The following ZNF609 variants were observed in gnomAD, a reference collection of about 807,000 sequenced individuals.
ZNF609 encodes the protein zinc finger protein 609.
In ZNF609, 11 loss-of-function variants were observed where a neutral mutation model predicts 109.5. The ratio of observed to expected loss-of-function variants is 0.10; its 90% confidence interval spans 0.06 to 0.17. ZNF609 has a LOEUF of 0.17. Ranked by LOEUF, ZNF609 falls within the 10% of genes least tolerant of loss-of-function variation. ZNF609 has a pLI of 1.00. For missense variants in ZNF609, 1,559 were observed against 1,772.4 expected (o/e 0.88, Z 2.16); for synonymous variants, 646 against 662.0 (o/e 0.98, Z 0.37).
In ZNF609 at chr15:64,674,976, C is replaced by T. The variant is rs775990155; in HGVS notation, c.2122C>T (p.Pro708Ser). The change falls in exon 5 of 10, where the codon CCC (proline) becomes TCC (serine). Residue 708 changes from proline (P) to serine (S), a missense_variant. Transcript: ENST00000326648. ...SPQLKPIQPK[P>S]TVMGEPFTVN... is the part of the protein sequence containing the mutation. ...CCAACTCAAGCCCATTCAGCCCAAG[C>T]CCACTGTTATGGGAGAACCTTTCAC... 1.2e-6 allele frequency: 2 copies of T among 1,613,940 alleles called. No individual in the cohort carries two copies. The highest frequency in any genetic ancestry group is 1.1e-5 in the South Asian group (1 of 91,082).
intron 1 of ZNF609, among the ~76,000 whole-genome samples, chr15:64,466,989 C>T (rs1893024408): frequency 6.6e-6 from 1 of 152,176 alleles, no homozygotes; most frequent in African/African-American, 2.4e-5. Flanking sequence ...CTCATGAGCA[C>T]AGTCAGATCT....
intron 2 of ZNF609, among the ~76,000 whole-genome samples, chr15:64,505,809 C>T (rs755081217): frequency 1.3e-5 from 2 of 152,040 alleles, no homozygotes; most frequent in Non-Finnish European, 2.9e-5. Context: ...AAAACACCAG[C>T]CTTCTAAACT....
Position 64,678,558 on chromosome 15 carries a change from C to G in ZNF609, c.3769+76C>G, listed in dbSNP as rs1896839237. ...GCACAGATTTCACATCCAGAGTTTT[C>G]TTGCTCAGCCCCAAGGCATATTGAG... On this transcript the variant is annotated intron_variant, in intron 6 of 9. Transcript: ENST00000326648. 2.6e-6 allele frequency: 4 copies of G among 1,513,832 alleles called. No individual in the cohort carries two copies. The Admixed American group carries it at 9.0e-5, about 34-fold the overall frequency. 93.8% of individuals were successfully genotyped at this position (1,513,832 alleles called of 1,614,324 possible). A position where few individuals can be genotyped will look rare whatever the true frequency, so the allele number is the denominator to read the frequency against.
At chr15:64,604,326 A>G (rs1312991277) in intron 2 of ZNF609, among the ~76,000 whole-genome samples, 1 of 152,056 alleles carries the variant, frequency 6.6e-6, no homozygotes, top group Non-Finnish European at 1.5e-5. Context: ...TTTTCCCCCA[A>G]TAGAGTTGTT....
At chr15:64,560,195 G>A (rs1274263684) in intron 2 of ZNF609, among the ~76,000 whole-genome samples, 13 of 152,044 alleles carry the variant, frequency 8.6e-5, no homozygotes, top group Admixed American at 8.5e-4. Flanking sequence ...ACAGGTGCAT[G>A]CCACCACACC....
At chr15:64,495,820 ATCT>A (rs1893474507) in intron 1 of ZNF609, among the ~76,000 whole-genome samples, 1 of 136,660 alleles carries the variant, frequency 7.3e-6, no homozygotes. Context: ...TTAACCTGTT[ATCT>A]TTTTTTTTTT....
intron 3 of ZNF609, among the ~76,000 whole-genome samples, chr15:64,656,013 G>A (rs899540441): frequency 2.0e-5 from 3 of 152,108 alleles, no homozygotes; most frequent in African/African-American, 4.8e-5. Context: ...AGCTTTTGGC[G>A]AAGGATGAAT....
chr15:64,477,364 T>G (rs915162699), intron 1 of ZNF609, among the ~76,000 whole-genome samples: 1 of 151,836 alleles, frequency 6.6e-6, no homozygotes, highest in African/African-American at 2.4e-5. Context: ...ATGGTCTCGA[T>G]CTCCTGACCT....
At position 64,477,623 on chromosome 15, in the gene ZNF609, C is replaced by CTTT. The variant is rs528565686; in HGVS notation, c.-128+16797_-128+16799dup. On this transcript the variant is annotated intron_variant, in intron 1 of 9. Coordinates refer to ENST00000326648, the MANE Select transcript of ZNF609 (RefSeq NM_015042.2). ...GCAATGGAATGGAATGTCTTATTTC[C>CTTT]TTTTTTTTTTTTTTCTTTTTTTTGA... is the stretch of plus-strand genomic sequence containing the variant. 3.0e-4 allele frequency among the ~76,000 whole-genome samples: 43 copies of CTTT among 142,656 alleles called. 1 individual carries two copies. The highest frequency in any genetic ancestry group is 1.1e-3 in the Admixed American group (15 of 14,182). The allele number at this position is 142,656 out of a possible 152,430, so 93.6% of individuals were successfully genotyped here. A position where few individuals can be genotyped will look rare whatever the true frequency, so the allele number is the denominator to read the frequency against.
At chr15:64,529,682 G>C in intron 2 of ZNF609, 1 of 720,604 alleles carries the variant, frequency 1.4e-6, no homozygotes, top group East Asian at 2.7e-5. Context: ...GGTGTCTCAG[G>C]GATGCAGCTG....
intron 2 of ZNF609, chr15:64,500,830 A>G (rs1893551917): frequency 1.1e-5 from 2 of 175,940 alleles, no homozygotes; most frequent in Admixed American, 5.5e-5. Context: ...CATGCCAGGT[A>G]TCTCCCACAA....
intron 2 of ZNF609, among the ~76,000 whole-genome samples, chr15:64,508,125 G>T (rs1893663157): frequency 1.3e-5 from 2 of 152,202 alleles, no homozygotes. Context: ...AGAGACCTTT[G>T]TGATAGCTAA....
At chr15:64,590,721 A>G (rs994908919) in intron 2 of ZNF609, among the ~76,000 whole-genome samples, 1 of 151,924 alleles carries the variant, frequency 6.6e-6, no homozygotes, top group Admixed American at 6.6e-5. Flanking sequence ...TAGAGTAGTC[A>G]TGTAACCCAG....
At chr15:64,651,968 TTTG>T (rs1453003710) in intron 3 of ZNF609, among the ~76,000 whole-genome samples, 3 of 152,054 alleles carry the variant, frequency 2.0e-5, no homozygotes, top group African/African-American at 4.8e-5. Flanking sequence ...TGTACTAAAA[TTTG>T]TTGTTCAGAA....
intron 2 of ZNF609, among the ~76,000 whole-genome samples, chr15:64,555,027 C>T (rs949202465): frequency 3.3e-5 from 5 of 150,382 alleles, no homozygotes; most frequent in South Asian, 2.1e-4. Context: ...ACCTGGGAGG[C>T]GGAGGTTACG....
At chr15:64,592,947 T>C (rs1895326326) in intron 2 of ZNF609, 1 of 873,444 alleles carries the variant, frequency 1.1e-6, no homozygotes, top group African/African-American at 1.7e-5. Flanking sequence ...ATAAAAATAA[T>C]GTTTTTGCTC....
At chr15:64,605,846 G>A (rs1895586391) in intron 2 of ZNF609, among the ~76,000 whole-genome samples, 1 of 143,158 alleles carries the variant, frequency 7.0e-6, no homozygotes, top group Non-Finnish European at 1.5e-5. Context: ...CGATTCTCCT[G>A]CCTCAGTCTC....
chr15:64,596,268 C>A (rs560933961), intron 2 of ZNF609, among the ~76,000 whole-genome samples: 1 of 152,290 alleles, frequency 6.6e-6, no homozygotes, highest in Non-Finnish European at 1.5e-5. Flanking sequence ...CTTCTCCTGA[C>A]TCAGTCTCCA....
chr15:64,613,917 G>T (rs992260929), intron 2 of ZNF609, among the ~76,000 whole-genome samples: 7 of 151,390 alleles, frequency 4.6e-5, no homozygotes, highest in African/African-American at 1.7e-4. Context: ...AATAATTGAA[G>T]ATTTTTTTTT....
Sources: allele counts gnomAD v4.1 joint callset (sites outside exome capture counted in the v4.1 genomes callset), GRCh38; gene constraint gnomAD v4.1.1; transcripts MANE v1.5; gene names NCBI Gene and HGNC (gene_info 2026-07-23, HGNC 2026-07-21).